Variants in CENPC observed in about 807,000 individuals in gnomAD.
CENPC encodes the protein centromere protein C.
CENPC carries 63 observed loss-of-function variants against 112.1 expected under a neutral mutation model. The observed-to-expected ratio is 0.56, with a 90% CI of 0.46 to 0.69. CENPC has a LOEUF of 0.69. Ranked by LOEUF, CENPC falls within the 30% of genes least tolerant of loss-of-function variation. The probability of loss-of-function intolerance (pLI) is 0.00; values close to 1 mark genes in which losing one functional copy is unlikely to be tolerated. For synonymous variants in CENPC, 333 were observed against 367.6 expected (o/e 0.91, Z 1.08); for missense variants, 1,000 against 1,103.8 (o/e 0.91, Z 1.33).
At chr4:67,525,353 T>C (rs1365489633) in intron 5 of CENPC, among the ~76,000 whole-genome samples, 4 of 152,000 alleles carry the variant, frequency 2.6e-5, no homozygotes, top group African/African-American at 9.7e-5. Flanking sequence ...AAAGAGCTTC[T>C]GCTCAGCAAA....
chr4:67,476,419 G>A (rs1018088754), intron 17 of CENPC, among the ~76,000 whole-genome samples: 4 of 152,146 alleles, frequency 2.6e-5, no homozygotes, highest in Non-Finnish European at 5.9e-5. Context: ...ATGAGAGAAG[G>A]ATTTAACCTT....
chr4:67,480,346 A>G (rs544030599), intron 17 of CENPC, among the ~76,000 whole-genome samples: 1 of 152,336 alleles, frequency 6.6e-6, no homozygotes, highest in East Asian at 1.9e-4. Context: ...AAAAGAAAAA[A>G]AAAATTCCAG....
intron 4 of CENPC, among the ~76,000 whole-genome samples, chr4:67,531,851 A>G (rs1726560534): frequency 6.6e-6 from 1 of 152,142 alleles, no homozygotes; most frequent in Admixed American, 6.6e-5. Context: ...ATCAGTCATG[A>G]AAAACACCAA....
At chr4:67,472,745 TC>T in intron 18 of CENPC, 70 bp from the exon 19 acceptor site, 1 of 1,355,060 alleles carries the variant, frequency 7.4e-7, no homozygotes, top group Non-Finnish European at 9.6e-7. Flanking sequence ...AAGTATGTAG[TC>T]ATCACCTGAC....
intron 3 of CENPC, 93 bp downstream of exon 3, chr4:67,540,887 G>C (rs1328454412): frequency 2.2e-6 from 2 of 890,946 alleles, no homozygotes; most frequent in African/African-American, 3.4e-5. Context: ...TTAAACCCTA[G>C]AACATATTTG....
chr4:67,502,743 T>C (rs894314386), intron 12 of CENPC, among the ~76,000 whole-genome samples: 7 of 152,160 alleles, frequency 4.6e-5, no homozygotes, highest in Non-Finnish European at 8.8e-5. Flanking sequence ...TCTTCCCCAG[T>C]AGTCCCCAGA....
intron 4 of CENPC, among the ~76,000 whole-genome samples, chr4:67,533,078 A>T (rs2109828090): frequency 6.6e-6 from 1 of 152,322 alleles, no homozygotes; most frequent in East Asian, 1.9e-4. Flanking sequence ...TGACAGACTT[A>T]CATGGTTTGC....
intron 17 of CENPC, among the ~76,000 whole-genome samples, chr4:67,477,237 C>A (rs549571995): frequency 1.2e-4 from 19 of 152,278 alleles, no homozygotes; most frequent in African/African-American, 4.6e-4. Flanking sequence ...GCTAGCACAA[C>A]CAATATTAAA....
intron 5 of CENPC, among the ~76,000 whole-genome samples, chr4:67,523,422 C>A (rs887890190): frequency 6.6e-6 from 1 of 152,170 alleles, no homozygotes; most frequent in Non-Finnish European, 1.5e-5. Flanking sequence ...GTCAACAATT[C>A]TGACACTCTT....
chr4:67,487,292 C>A (rs1295112441), intron 17 of CENPC, among the ~76,000 whole-genome samples: 1 of 149,336 alleles, frequency 6.7e-6, no homozygotes, highest in African/African-American at 2.6e-5. Context: ...TTCCTAGAAT[C>A]CTCCAACAGT....
At chr4:67,491,480 T>TATATATATAG (rs1725270093) in intron 16 of CENPC, among the ~76,000 whole-genome samples, 1 of 18,104 alleles carries the variant, frequency 5.5e-5, no homozygotes, top group Non-Finnish European at 1.0e-4. Context: ...TATATATATA[T>TATATATATAG]AGAGAGAGAG....
chr4:67,525,046 C>T (rs1377361754), intron 5 of CENPC, among the ~76,000 whole-genome samples: 5 of 152,046 alleles, frequency 3.3e-5, no homozygotes, highest in African/African-American at 7.2e-5. Flanking sequence ...GTTTGCTCTT[C>T]GACAAACCTG....
intron 18 of CENPC, among the ~76,000 whole-genome samples, chr4:67,473,333 C>G (rs190075752): frequency 6.6e-6 from 1 of 152,138 alleles, no homozygotes; most frequent in Non-Finnish European, 1.5e-5. Flanking sequence ...TCACATGTGA[C>G]AGGCTTATTA....
chr4:67,472,708 T>C (rs1724700700), intron 18 of CENPC, 33 bp from the exon 19 acceptor site: 1 of 1,472,044 alleles, frequency 6.8e-7, no homozygotes, highest in East Asian at 2.5e-5. Flanking sequence ...ATAAAAATTA[T>C]TTACATATGA....
intron 17 of CENPC, among the ~76,000 whole-genome samples, chr4:67,489,453 T>A (rs1326174619): frequency 1.3e-5 from 2 of 152,184 alleles, no homozygotes; most frequent in South Asian, 2.1e-4. Context: ...GTAGTTTTTT[T>A]ATAATCTCAC....
rs1725394205 is a variant in CENPC, at chr4:67,495,133, ATAT to A, written c.2185+23_2185+25del. On this transcript the variant is annotated intron_variant, in intron 13 of 18. Transcript: ENST00000273853. ...ACTTAAGGTATTTTTCTCAATGAAA[ATAT>A]TAAAAAAGAAAAATATTCTTACCTA... 2.7e-6 allele frequency: 4 copies of A among 1,483,182 alleles called. No individual in the cohort carries two copies. In the African/African-American group the frequency reaches 4.3e-5, roughly 16 times the overall value. The allele number at this position is 1,483,182 out of a possible 1,614,324, so 91.9% of individuals were successfully genotyped here.
intron 4 of CENPC, 77 bp from the exon 5 acceptor site, chr4:67,530,991 TG>T (rs1426221373): frequency 7.6e-6 from 5 of 661,570 alleles, no homozygotes; most frequent in South Asian, 2.4e-5. Flanking sequence ...GTTTTTTAAA[TG>T]GGGGGAAAAA....
At chr4:67,498,422 C>T (rs1415215021) in intron 12 of CENPC, among the ~76,000 whole-genome samples, 3 of 152,074 alleles carry the variant, frequency 2.0e-5, no homozygotes, top group African/African-American at 7.2e-5. Context: ...ATATAAAATG[C>T]TGTTGTATAG....
chr4:67,519,719 T>C (rs944904378), intron 5 of CENPC, among the ~76,000 whole-genome samples: 2 of 152,148 alleles, frequency 1.3e-5, no homozygotes, highest in Admixed American at 1.3e-4. Context: ...AGCTAGATGA[T>C]ATATTTACAC....
Sources: gnomAD v4.1 joint callset for allele counts (sites outside exome capture counted in the v4.1 genomes callset) on GRCh38, gnomAD v4.1.1 for gene constraint, MANE v1.5 for transcripts, NCBI Gene and HGNC (gene_info 2026-07-23, HGNC 2026-07-21) for gene names.